DNM3: variants seen among roughly 807,000 people sequenced by gnomAD.
DNM3 encodes the protein dynamin-3.
DNM3 carries 47 observed loss-of-function variants against 101.6 expected under a neutral mutation model. The observed-to-expected ratio is 0.46, with a 90% CI of 0.37 to 0.59. DNM3 has a LOEUF of 0.59. Ranked by LOEUF, DNM3 falls within the 20% of genes least tolerant of loss-of-function variation. The pLI is 0.00. For synonymous variants in DNM3, 385 were observed against 387.9 expected, an observed-to-expected ratio of 0.99 and a Z score of 0.09; for missense variants, 849 against 1,085.7, an observed-to-expected ratio of 0.78 and a Z score of 3.06.
intron 12 of DNM3, 86 bp downstream of exon 12, chr1:172,081,988 A>C: frequency 7.4e-7 from 1 of 1,344,172 alleles, no homozygotes; most frequent in South Asian, 1.2e-5. Flanking sequence ...CAGTTTCACC[A>C]CCTTTGAGAA....
chr1:172,164,051 A>G (rs1166147154), intron 14 of DNM3, among the ~76,000 whole-genome samples: 1 of 151,784 alleles, frequency 6.6e-6, no homozygotes, highest in East Asian at 1.9e-4. Context: ...ATTGTGGATA[A>G]TGCTGCAATG....
chr1:172,248,912 A>G (rs2062060402), intron 14 of DNM3, among the ~76,000 whole-genome samples: 1 of 152,188 alleles, frequency 6.6e-6, no homozygotes, highest in South Asian at 2.1e-4. Flanking sequence ...TAGGCATTAT[A>G]TAGAAACAAG....
At chr1:172,296,529 A>C (rs976796389) in intron 15 of DNM3, among the ~76,000 whole-genome samples, 1 of 152,180 alleles carries the variant, frequency 6.6e-6, no homozygotes, top group Non-Finnish European at 1.5e-5. Flanking sequence ...CTCCTACCTG[A>C]ATCCTGAGGC....
At chr1:171,901,188 C>T (rs2038317165) in intron 1 of DNM3, among the ~76,000 whole-genome samples, 1 of 151,550 alleles carries the variant, frequency 6.6e-6, no homozygotes, top group Admixed American at 6.6e-5. Flanking sequence ...TAGTCATACC[C>T]CACCTGCCGG....
chr1:172,031,342 T>C (rs1445906827), intron 4 of DNM3, among the ~76,000 whole-genome samples: 1 of 151,700 alleles, frequency 6.6e-6, no homozygotes, highest in East Asian at 1.9e-4. Flanking sequence ...TAAGTGGGAG[T>C]TGAACAATGA....
intron 16 of DNM3, chr1:172,309,836 A>G (rs2065005354): frequency 6.6e-6 from 1 of 152,368 alleles, no homozygotes; most frequent in South Asian, 2.1e-4. Context: ...CTAAAATGTA[A>G]CAGAGTTTCA....
intron 2 of DNM3, among the ~76,000 whole-genome samples, chr1:171,932,537 T>G (rs780348673): frequency 5.9e-4 from 89 of 152,134 alleles, no homozygotes; most frequent in Non-Finnish European, 1.0e-3. Context: ...CTATTAAAAT[T>G]TTTGATGGTT....
At chr1:172,221,754 A>G (rs1013356864) in intron 14 of DNM3, among the ~76,000 whole-genome samples, 1 of 152,102 alleles carries the variant, frequency 6.6e-6, no homozygotes, top group Admixed American at 6.6e-5. Context: ...CTCTCTTGCT[A>G]TCTCTCTTTC....
chr1:172,313,637 A>G (rs943646313), intron 16 of DNM3, among the ~76,000 whole-genome samples: 2 of 152,104 alleles, frequency 1.3e-5, no homozygotes, highest in East Asian at 1.9e-4. Flanking sequence ...TAACCTTCCA[A>G]TTGTTGATTC....
At chr1:171,883,760 G>T (rs916899447) in intron 1 of DNM3, among the ~76,000 whole-genome samples, 3 of 151,970 alleles carry the variant, frequency 2.0e-5, no homozygotes, top group Non-Finnish European at 4.4e-5. Context: ...ATGAGCCACC[G>T]CACCCAGCCC....
chr1:171,936,063 A>G (rs2041395915), intron 2 of DNM3, among the ~76,000 whole-genome samples: 1 of 152,024 alleles, frequency 6.6e-6, no homozygotes, highest in Non-Finnish European at 1.5e-5. Context: ...CTTTGCATTA[A>G]AAGTTACTGT....
chr1:172,209,415 G>A (rs1227848336), intron 14 of DNM3, among the ~76,000 whole-genome samples: 1 of 151,888 alleles, frequency 6.6e-6, no homozygotes, highest in East Asian at 1.9e-4. Flanking sequence ...CAGGCACCAA[G>A]GGTGAATATT....
intron 2 of DNM3, among the ~76,000 whole-genome samples, chr1:171,931,404 T>C (rs74126543): frequency 0.032 from 4,865 of 152,244 alleles, 252 homozygotes; most frequent in African/African-American, 0.11. Context: ...GTAACACTGT[T>C]TGTGGCCCTG....
intron 13 of DNM3, among the ~76,000 whole-genome samples, chr1:172,122,529 C>T (rs540990717): frequency 6.6e-6 from 1 of 152,278 alleles, no homozygotes; most frequent in African/African-American, 2.4e-5. Context: ...TATTAGCACA[C>T]CCTGGCAAAA....
At position 172,359,124 on chromosome 1, in the gene DNM3, A is replaced by AC. The variant is rs1558040476; in HGVS notation, c.1894-19894_1894-19893insC. 4.1e-4 allele frequency among the ~76,000 whole-genome samples: 36 copies of AC among 88,516 alleles called. No individual in the cohort carries two copies. The East Asian group carries it at 6.1e-3, about 15-fold the overall frequency. The allele number at this position is 88,516 out of a possible 152,430, so 58.1% of individuals were successfully genotyped here. A position where few individuals can be genotyped will look rare whatever the true frequency, so the allele number is the denominator to read the frequency against. On this transcript the variant is annotated intron_variant, in intron 17 of 20. Coordinates refer to ENST00000627582, the MANE Select transcript of DNM3 (RefSeq NM_015569.5). ...GATGGGCATCTGAACAACTCCCACAAAACACACACACACACACACACACAC... is the reference window on the plus strand; with the variant it reads ...GATGGGCATCTGAACAACTCCCACAACAACACACACACACACACACACACAC...
At chr1:171,935,581 A>G (rs909048865) in intron 2 of DNM3, among the ~76,000 whole-genome samples, 5 of 152,084 alleles carry the variant, frequency 3.3e-5, no homozygotes, top group Admixed American at 3.3e-4. Context: ...TTGTAAGACA[A>G]TGGGACAGTT....
chr1:172,053,061 C>T (rs1008778085), intron 10 of DNM3, among the ~76,000 whole-genome samples: 1 of 152,172 alleles, frequency 6.6e-6, no homozygotes, highest in African/African-American at 2.4e-5. Context: ...TAAAATACAG[C>T]TATGCCTTTT....
chr1:171,963,768 G>GTATATATA (rs138942214), intron 2 of DNM3, among the ~76,000 whole-genome samples: 2 of 148,036 alleles, frequency 1.4e-5, no homozygotes, highest in East Asian at 3.9e-4. Context: ...TATAGATAAC[G>GTATATATA]TATATATATA....
chr1:172,168,249 T>G (rs201435953), intron 14 of DNM3, among the ~76,000 whole-genome samples: 3 of 31,612 alleles, frequency 9.5e-5, no homozygotes, highest in Admixed American at 6.4e-4. Context: ...ATGGTCTCCC[T>G]TTTTTTTTTG....
Sources: gnomAD v4.1 joint callset for allele counts (sites outside exome capture counted in the v4.1 genomes callset) on GRCh38, gnomAD v4.1.1 for gene constraint, MANE v1.5 for transcripts, NCBI Gene and HGNC (gene_info 2026-07-23, HGNC 2026-07-21) for gene names.